Variants in GTF3C1 observed in about 807,000 individuals in gnomAD.
The protein encoded by GTF3C1 is general transcription factor 3C polypeptide 1.
GTF3C1 carries 57 observed loss-of-function variants against 226.7 expected under a neutral mutation model. The ratio of observed to expected loss-of-function variants is 0.25; its 90% CI spans 0.20 to 0.31. GTF3C1 has a LOEUF of 0.31. Ranked by LOEUF, GTF3C1 falls within the 10% of genes least tolerant of loss-of-function variation. GTF3C1 has a pLI of 1.00. For synonymous variants in GTF3C1, 1,090 were observed against 1,084.8 expected, an observed-to-expected ratio of 1.00 and a Z score of -0.09; for missense variants, 2,217 against 2,776.1, an observed-to-expected ratio of 0.80 and a Z score of 4.53.
At position 27,465,531 on chromosome 16, in the gene GTF3C1, A is replaced by G. The variant is rs1567383030; in HGVS notation, c.5084T>C (p.Leu1695Pro). Reference protein sequence around the residue: ...PARLRPAAAPLEELTMGTSCL... With the variant: ...PARLRPAAAPPEELTMGTSCL... ...GGAGGTTCCCATTGTTAGCTCTTCCAGAGGAGCGGCTGTGGGGACACAGAG... is the reference window on the plus strand; with the variant it reads ...GGAGGTTCCCATTGTTAGCTCTTCCGGAGGAGCGGCTGTGGGGACACAGAG... The change falls in exon 33 of 37, where the codon CTG becomes CCG. Residue 1695 changes from leucine to proline, a missense_variant. Leu to Pro is a moderately conservative substitution (Grantham distance 98, BLOSUM62 -3). Around this residue, in one of 12 missense-constraint regions of GTF3C1, gnomAD observed 455 missense variants for 441.9 expected, o/e 1.03. Transcript: ENST00000356183. 6.3e-7 allele frequency: 1 copy of G among 1,598,302 alleles called. No homozygotes were observed. The highest frequency in any genetic ancestry group is 8.5e-7 in the Non-Finnish European group (1 of 1,178,678).
rs935203796 is a variant in GTF3C1 at position 27,506,721 on chromosome 16, T to C, written c.1552+126A>G. 8 of 626,702 alleles carry C rather than the reference T, an allele frequency of 1.3e-5. No individual in the cohort carries two copies. In the African/African-American group the frequency reaches 1.5e-4, roughly 12 times the overall value. The allele number at this position is 626,702 out of a possible 1,614,324, so 38.8% of individuals were successfully genotyped here. On this transcript the variant is annotated intron_variant, in intron 9 of 36. Coordinates refer to ENST00000356183, the MANE Select transcript of GTF3C1 (RefSeq NM_001520.4). ...CATGATGATGTGGTACAAGTGACAG[T>C]GTCAGGCCTCTCATTAGGATGGCAC...
At chr16:27,537,333 C>T (rs925632109) in intron 4 of GTF3C1, among the ~76,000 whole-genome samples, 2 of 152,188 alleles carry the variant, frequency 1.3e-5, no homozygotes, top group African/African-American at 4.8e-5. Context: ...TCTAAACAAG[C>T]AGGACTTATT....
chr16:27,470,633 A>G lies in GTF3C1; in HGVS notation c.4527-238T>C. On this transcript the variant is annotated intron_variant, in intron 30 of 36. Coordinates refer to ENST00000356183, the MANE Select transcript of GTF3C1 (RefSeq NM_001520.4). The surrounding 1 kb of genome is among the most constrained non-coding windows in gnomAD (Gnocchi z 4.9). The stretch of plus-strand genomic sequence containing the variant: ...CGGGCAGAGTCCTGTCTCCTCATCT[A>G]ATTCAATGTGGCCTCACCTGGCGCT... The G allele has an allele frequency of 1.9e-6, 1 of 522,916 alleles. No homozygotes were observed. Among genetic ancestry groups the G allele is most frequent in the Non-Finnish European group, 3.4e-6 (1 of 290,654 alleles). 32.4% of individuals were successfully genotyped at this position (522,916 alleles called of 1,614,324 possible).
chr16:27,499,309 A>G (rs559786259), intron 12 of GTF3C1, among the ~76,000 whole-genome samples: 1 of 152,340 alleles, frequency 6.6e-6, no homozygotes, highest in South Asian at 2.1e-4. Context: ...CATGAGAGAT[A>G]CACAGGATGA....
At chr16:27,520,167 A>G (rs1017564260) in intron 6 of GTF3C1, among the ~76,000 whole-genome samples, 1 of 152,138 alleles carries the variant, frequency 6.6e-6, no homozygotes, top group Non-Finnish European at 1.5e-5. Flanking sequence ...CCCAGACTGG[A>G]GTGCAGTGGC....
In GTF3C1 at chr16:27,462,151, G is replaced by A. The variant is rs1376824888; in HGVS notation, c.6117+143C>T. ...ACACTGAGGGACAGCCTGAGAGGCAGGAGCCCAGGACAAGCTGGGGGAGGA... is the reference window on the plus strand; with the variant it reads ...ACACTGAGGGACAGCCTGAGAGGCAAGAGCCCAGGACAAGCTGGGGGAGGA... On this transcript the variant is annotated intron_variant, in intron 36 of 36. Transcript: ENST00000356183. The surrounding 1 kb of genome is among the most constrained non-coding windows in gnomAD (Gnocchi z 4.5). 1.6e-6 allele frequency: 1 copy of A among 627,136 alleles called. No homozygotes were observed. The highest frequency in any genetic ancestry group is 2.8e-6 in the Non-Finnish European group (1 of 355,096). 38.8% of individuals were successfully genotyped at this position (627,136 alleles called of 1,614,324 possible). A position where few individuals can be genotyped will look rare whatever the true frequency, so the allele number is the denominator to read the frequency against.
At chr16:27,483,453 C>T in intron 25 of GTF3C1, 1 of 499,240 alleles carries the variant, frequency 2.0e-6, no homozygotes. Flanking sequence ...GTGCATCACA[C>T]ATTTAAAAAC....
intron 2 of GTF3C1, among the ~76,000 whole-genome samples, chr16:27,539,992 T>A (rs1003258079): frequency 1.3e-5 from 2 of 152,132 alleles, no homozygotes; most frequent in Admixed American, 6.6e-5. Flanking sequence ...ATACAAAAGC[T>A]CACAGGCTAC....
chr16:27,469,429 G>T lies in GTF3C1; in HGVS notation c.4936C>A (p.Leu1646Met). ...KPAQASHTNY[L>M]LMRGYYSPGI... ...GGGGAGTAGTAGCCCCTCATCAGCAGGTAGTTGGTGTGGGAGGCTTGCGCA... is the reference window on the plus strand; with the variant it reads ...GGGGAGTAGTAGCCCCTCATCAGCATGTAGTTGGTGTGGGAGGCTTGCGCA... The change falls in exon 32 of 37, where the codon CTG (leucine) becomes ATG (methionine). Residue 1646 changes from leucine (L) to methionine (M), a missense_variant. Coordinates refer to ENST00000356183, the MANE Select transcript of GTF3C1 (RefSeq NM_001520.4). The surrounding 1 kb of genome is among the most constrained non-coding windows in gnomAD (Gnocchi z 4.5). 1 of 1,614,196 alleles carries T rather than the reference G, an allele frequency of 6.2e-7. No homozygotes were observed. The highest frequency in any genetic ancestry group is 8.5e-7 in the Non-Finnish European group (1 of 1,180,020).
At chr16:27,467,848 C>T (rs200511428) in intron 32 of GTF3C1, among the ~76,000 whole-genome samples, 14 of 151,780 alleles carry the variant, frequency 9.2e-5, no homozygotes, top group Admixed American at 1.3e-4. Flanking sequence ...CCAGTCCGGG[C>T]GACAAGAGTG....
intron 19 of GTF3C1, among the ~76,000 whole-genome samples, chr16:27,491,876 C>G (rs949831831): frequency 7.9e-5 from 12 of 152,188 alleles, no homozygotes; most frequent in African/African-American, 2.9e-4. Flanking sequence ...TAGAATTCAG[C>G]TCCAATGTCT....
chr16:27,489,580 C>T lies in GTF3C1; in HGVS notation c.3293+22G>A, dbSNP rs200144055. On this transcript the variant is annotated intron_variant, in intron 20 of 36. Transcript: ENST00000356183. ...CCACCGCAGCCCAGTCCTGGCCGGC[C>T]GCGCTTGGGACGGACACGCACGTGG... is the stretch of plus-strand genomic sequence containing the variant. 6.6e-5 allele frequency: 105 copies of T among 1,586,516 alleles called. 1 individual carries two copies. In the African/African-American group the frequency reaches 1.1e-3, roughly 17 times the overall value.
chr16:27,494,970 GGTAAC>G, intron 15 of GTF3C1, 62 bp from the exon 16 acceptor site: 2 of 1,442,228 alleles, frequency 1.4e-6, no homozygotes, highest in Non-Finnish European at 1.9e-6. Flanking sequence ...GGTGACACAT[GGTAAC>G]GTCATCTCCC....
intron 26 of GTF3C1, 110 bp from the exon 27 acceptor site, chr16:27,481,301 G>T: frequency 1.2e-6 from 1 of 867,018 alleles, no homozygotes; most frequent in Non-Finnish European, 1.9e-6. Context: ...AGCTAAGTCC[G>T]AGAACCACTG....
chr16:27,483,520 G>A (rs2088088714), intron 25 of GTF3C1: 1 of 459,844 alleles, frequency 2.2e-6, no homozygotes, highest in East Asian at 6.9e-5. Flanking sequence ...TGCAAAGCAG[G>A]TGTGTCCACT....
At chr16:27,504,514 A>T (rs1396695771) in intron 10 of GTF3C1, among the ~76,000 whole-genome samples, 1 of 152,246 alleles carries the variant, frequency 6.6e-6, no homozygotes, top group Non-Finnish European at 1.5e-5. Flanking sequence ...CAAAGCACAA[A>T]AAGGGAGAAG....
In GTF3C1 at chr16:27,506,089, G is replaced by A; in HGVS notation, c.1580C>T (p.Pro527Leu). The A allele has an allele frequency of 6.2e-7, 1 of 1,612,088 alleles. No homozygotes were observed. The highest frequency in any genetic ancestry group is 8.5e-7 in the Non-Finnish European group (1 of 1,178,118). The change falls in exon 10 of 37, where the codon CCA becomes CTA. Residue 527 changes from proline to leucine, a missense_variant. Around this residue, in one of 12 missense-constraint regions of GTF3C1, gnomAD observed 173 missense variants for 207.2 expected, o/e 0.83. Coordinates refer to ENST00000356183, the MANE Select transcript of GTF3C1 (RefSeq NM_001520.4). ...GAAGGAGGGCGGCTGCTTTTTCAAT[G>A]GGTGTAGGTTTACAACTTTCCACCC... ...KGGWKVVNLHPLKKQPPSFPG... is the reference protein window; with the variant it reads ...KGGWKVVNLHLLKKQPPSFPG...
At chr16:27,520,169 T>C (rs2088724054) in intron 6 of GTF3C1, among the ~76,000 whole-genome samples, 1 of 152,128 alleles carries the variant, frequency 6.6e-6, no homozygotes, top group Non-Finnish European at 1.5e-5. Flanking sequence ...CAGACTGGAG[T>C]GCAGTGGCGT....
intron 2 of GTF3C1, among the ~76,000 whole-genome samples, chr16:27,544,988 T>A (rs77845067): frequency 6.6e-6 from 1 of 151,250 alleles, no homozygotes; most frequent in Non-Finnish European, 1.5e-5. Context: ...TTTTTTTTTT[T>A]TGTAGACAGG....
Sources: allele counts gnomAD v4.1 joint callset (sites outside exome capture counted in the v4.1 genomes callset), GRCh38; gene constraint gnomAD v4.1.1; regional missense constraint gnomAD v4.1.1; non-coding constraint Gnocchi (gnomAD v3.1); transcripts MANE v1.5; gene names NCBI Gene and HGNC (gene_info 2026-07-23, HGNC 2026-07-21).